The following PABPC4L variants were observed in gnomAD, a reference collection of about 807,000 sequenced individuals.
PABPC4L encodes polyadenylate-binding protein 4-like.
For missense variants in PABPC4L, 452 were observed against 451.4 expected (o/e 1.00, Z -0.01); for synonymous variants, 169 against 164.1 (o/e 1.03, Z -0.23).
the PABPC4L span, among the ~76,000 whole-genome samples, chr4:134,156,482 C>T: frequency 6.6e-6 from 1 of 151,764 alleles, no homozygotes; most frequent in Non-Finnish European, 1.5e-5. Flanking sequence ...ATTGATGAAA[C>T]AGAAACCATC....
the PABPC4L span, among the ~76,000 whole-genome samples, chr4:133,973,636 C>A: frequency 4.1e-4 from 62 of 152,036 alleles, no homozygotes; most frequent in Non-Finnish European, 7.6e-4. Context: ...TTGGAGATCC[C>A]AAAACTCCAC....
At chr4:134,144,848 A>C in the PABPC4L span, among the ~76,000 whole-genome samples, 1 of 151,660 alleles carries the variant, frequency 6.6e-6, no homozygotes, top group Non-Finnish European at 1.5e-5. Flanking sequence ...TCCAATCTGA[A>C]TCATTCTGCC....
chr4:134,075,060 A>T, the PABPC4L span, among the ~76,000 whole-genome samples: 2 of 152,204 alleles, frequency 1.3e-5, no homozygotes, highest in Non-Finnish European at 2.9e-5. Flanking sequence ...ATTAAACCTA[A>T]TATGGGAATT....
the PABPC4L span, among the ~76,000 whole-genome samples, chr4:134,081,731 A>G: frequency 6.6e-6 from 1 of 152,104 alleles, no homozygotes; most frequent in Non-Finnish European, 1.5e-5. Context: ...AATGTAAAAA[A>G]AAGAAAAAAG....
chr4:133,999,958 TTTTAAG>T, the PABPC4L span, among the ~76,000 whole-genome samples: 33 of 152,266 alleles, frequency 2.2e-4, no homozygotes, highest in South Asian at 6.2e-4. Flanking sequence ...ATGTATGTAC[TTTTAAG>T]TTTAAGTGCA....
chr4:134,049,776 T>C, the PABPC4L span, among the ~76,000 whole-genome samples: 2 of 152,218 alleles, frequency 1.3e-5, no homozygotes, highest in Admixed American at 6.5e-5. Flanking sequence ...TGCAAATTGC[T>C]TAATCAACAT....
At chr4:133,976,770 T>G in the PABPC4L span, among the ~76,000 whole-genome samples, 1 of 152,180 alleles carries the variant, frequency 6.6e-6, no homozygotes, top group East Asian at 1.9e-4. Flanking sequence ...TTTTGAGAAA[T>G]ATCTGTTCAT....
the PABPC4L span, among the ~76,000 whole-genome samples, chr4:134,055,102 C>A: frequency 6.6e-6 from 1 of 151,912 alleles, no homozygotes; most frequent in Non-Finnish European, 1.5e-5. Flanking sequence ...CTTGAAACAT[C>A]TTTTATGGAT....
At chr4:134,157,016 A>AT in the PABPC4L span, among the ~76,000 whole-genome samples, 2 of 151,458 alleles carry the variant, frequency 1.3e-5, no homozygotes, top group East Asian at 1.9e-4. Context: ...TATTAATTCA[A>AT]TTTTTTTTCT....
At chr4:134,147,744 TG>T in the PABPC4L span, among the ~76,000 whole-genome samples, 1 of 81,892 alleles carries the variant, frequency 1.2e-5, no homozygotes, top group South Asian at 4.9e-4. Context: ...TGTGTGTGTG[TG>T]TGTGTGTTGT....
chr4:134,183,646 G>A, the PABPC4L span, among the ~76,000 whole-genome samples: 1 of 151,978 alleles, frequency 6.6e-6, no homozygotes, highest in East Asian at 1.9e-4. Context: ...ATAAAAGTTA[G>A]AAGTAAATGT....
At chr4:134,191,763 T>C (rs1015252328), downstream of PABPC4L, among the ~76,000 whole-genome samples, 5 of 151,946 alleles carry the variant, frequency 3.3e-5, no homozygotes, top group Non-Finnish European at 5.9e-5. Flanking sequence ...TGAATATTTA[T>C]ATTAAAAAAG....
the PABPC4L span, among the ~76,000 whole-genome samples, chr4:134,077,443 G>GA: frequency 6.6e-6 from 1 of 151,666 alleles, no homozygotes. Flanking sequence ...CAGAAGAGGG[G>GA]AAAAAAAAGT....
chr4:134,120,917 T>C, the PABPC4L span, among the ~76,000 whole-genome samples: 1 of 151,422 alleles, frequency 6.6e-6, no homozygotes, highest in East Asian at 1.9e-4. Flanking sequence ...TTCTCCTCTC[T>C]CCTCTGTGGA....
the PABPC4L span, among the ~76,000 whole-genome samples, chr4:134,121,711 C>T: frequency 6.6e-6 from 1 of 151,620 alleles, no homozygotes; most frequent in African/African-American, 2.4e-5. Flanking sequence ...CAACTTCCAG[C>T]TCCTGCACAA....
At chr4:134,112,618 A>C in the PABPC4L span, among the ~76,000 whole-genome samples, 26 of 137,310 alleles carry the variant, frequency 1.9e-4, 1 homozygote, top group East Asian at 6.4e-4. Flanking sequence ...ATCTATCTAT[A>C]TATCTATCTA....
chr4:134,027,273 G>A, the PABPC4L span, among the ~76,000 whole-genome samples: 2 of 151,896 alleles, frequency 1.3e-5, no homozygotes, highest in African/African-American at 2.4e-5. Flanking sequence ...ATCCTGTGAT[G>A]GCAGGATGGC....
chr4:133,995,041 A>G, the PABPC4L span, among the ~76,000 whole-genome samples: 1 of 152,050 alleles, frequency 6.6e-6, no homozygotes, highest in Non-Finnish European at 1.5e-5. Context: ...GAGAGAGAGG[A>G]CTGTGAACTT....
chr4:134,021,673 T>G, the PABPC4L span, among the ~76,000 whole-genome samples: 1 of 152,166 alleles, frequency 6.6e-6, no homozygotes, highest in Non-Finnish European at 1.5e-5. Flanking sequence ...GTAATCCAAA[T>G]AGTCTGCTCC....
Sources: allele counts gnomAD v4.1 joint callset (sites outside exome capture counted in the v4.1 genomes callset), GRCh38; gene constraint gnomAD v4.1.1; transcripts MANE v1.5; gene names NCBI Gene and HGNC (gene_info 2026-07-23, HGNC 2026-07-21).